Variants in KATNIP observed in about 807,000 individuals in gnomAD.
KATNIP encodes katanin interacting protein.
In KATNIP, 126 loss-of-function variants were observed where a neutral mutation model predicts 174.0. The ratio of observed to expected loss-of-function variants is 0.72; its 90% CI spans 0.63 to 0.84. The LOEUF (loss-of-function observed/expected upper bound fraction) is 0.84. Among genes scored for constraint, KATNIP ranks in the 40% least tolerant of loss-of-function variants. KATNIP has a pLI of 0.00. For missense variants in KATNIP, 1,958 were observed against 2,109.7 expected (o/e 0.93, Z 1.41); for synonymous variants, 810 against 835.7 (o/e 0.97, Z 0.53).
intron 14 of KATNIP, among the ~76,000 whole-genome samples, chr16:27,732,740 TAC>T (rs760188156): frequency 9.8e-5 from 15 of 152,312 alleles, no homozygotes; most frequent in South Asian, 2.1e-4. Context: ...TCGATAGACC[TAC>T]AGTTAGGATA....
In KATNIP at chr16:27,648,762, G is replaced by A. The variant is rs761193292; in HGVS notation, c.540+27G>A. On this transcript the variant is annotated intron_variant, in intron 6 of 27. Coordinates refer to ENST00000261588, the MANE Select transcript of KATNIP (RefSeq NM_015202.5). ...TAGGGATGGCCTTGGCCTTGTGCTC[G>A]GGACACCTGAAGGACGGCGAGGCTC... 9 of 1,607,688 alleles carry A rather than the reference G, an allele frequency of 5.6e-6. No homozygotes were observed. The Admixed American group carries it at 6.8e-5, about 12-fold the overall frequency.
At position 27,691,098 on chromosome 16, in the gene KATNIP, T is replaced by G. The variant is rs1293246458; in HGVS notation, c.941-7230T>G. Among the ~76,000 whole-genome samples the G allele has an allele frequency of 2.6e-5, 4 of 152,182 alleles. No individual in the cohort carries two copies. The East Asian group carries it at 7.7e-4, about 29-fold the overall frequency. ...TTAAATTTCATATTCGCCATTTCGGTGGCTTCCCAGGTGACCTCCAAGGCC... is the reference window on the plus strand; with the variant it reads ...TTAAATTTCATATTCGCCATTTCGGGGGCTTCCCAGGTGACCTCCAAGGCC... On this transcript the variant is annotated intron_variant, in intron 8 of 27. Coordinates refer to ENST00000261588, the MANE Select transcript of KATNIP (RefSeq NM_015202.5).
intron 13 of KATNIP, among the ~76,000 whole-genome samples, chr16:27,709,584 A>G (rs1419823099): frequency 6.6e-6 from 1 of 152,208 alleles, no homozygotes; most frequent in African/African-American, 2.4e-5. Context: ...GATTGCAGTA[A>G]GCCAAGATTG....
chr16:27,566,004 G>A (rs1160456826), intron 1 of KATNIP, among the ~76,000 whole-genome samples: 2 of 149,452 alleles, frequency 1.3e-5, no homozygotes, highest in Non-Finnish European at 3.0e-5. Context: ...CCACCTTTCT[G>A]TATGGAAACC....
At chr16:27,577,616 C>T (rs1234065602) in intron 2 of KATNIP, among the ~76,000 whole-genome samples, 2 of 152,144 alleles carry the variant, frequency 1.3e-5, no homozygotes, top group Non-Finnish European at 2.9e-5. Context: ...CACTTGAACT[C>T]AGAAAGCGGA....
intron 2 of KATNIP, among the ~76,000 whole-genome samples, chr16:27,584,521 TG>T (rs1425924231): frequency 1.3e-5 from 2 of 152,090 alleles, no homozygotes; most frequent in Admixed American, 1.3e-4. Context: ...AAGCCGTGCA[TG>T]GGGGCTCACG....
intron 2 of KATNIP, among the ~76,000 whole-genome samples, chr16:27,598,580 C>T (rs1419911899): frequency 6.6e-6 from 1 of 152,104 alleles, no homozygotes; most frequent in African/African-American, 2.4e-5. Flanking sequence ...TTTGGGGATT[C>T]GGGTCTGGCC....
Position 27,751,881 on chromosome 16 carries a change from A to G in KATNIP, c.3509A>G (p.Asp1170Gly). Residue 1170 changes from aspartate (D) to glycine (G), a missense_variant, in exon 17 of 28, where the codon GAT (aspartate) becomes GGT (glycine). Physicochemically the swap from Asp to Gly is moderately conservative, Grantham distance 94. Around this residue, in one of 3 missense-constraint regions of KATNIP, gnomAD observed 1,557 missense variants for 1,617.8 expected, o/e 0.96. Coordinates refer to ENST00000261588, the MANE Select transcript of KATNIP (RefSeq NM_015202.5). ...CCCAGCACGGCCGACGGCGAGGGGG[A>G]TGAGCGGCCCTTCACCCAGGCTGGC... ...RRPSTADGEG[D>G]ERPFTQAGLG... 6.2e-7 allele frequency: 1 copy of G among 1,613,062 alleles called. No homozygotes were observed. The highest frequency in any genetic ancestry group is 8.5e-7 in the Non-Finnish European group (1 of 1,179,928).
At chr16:27,588,788 C>T (rs577189056) in intron 2 of KATNIP, among the ~76,000 whole-genome samples, 17 of 151,594 alleles carry the variant, frequency 1.1e-4, no homozygotes, top group Non-Finnish European at 2.4e-4. Context: ...TCAAATTTAC[C>T]CTCAATCTCA....
At chr16:27,666,403 T>C (rs1567275293) in intron 6 of KATNIP, among the ~76,000 whole-genome samples, 1 of 150,234 alleles carries the variant, frequency 6.7e-6, no homozygotes, top group Non-Finnish European at 1.5e-5. Flanking sequence ...TTTTGTTTTG[T>C]TTTGTTTTGT....
At position 27,752,250 on chromosome 16, in the gene KATNIP, T is replaced by C. The variant is rs145880855; in HGVS notation, c.3552+326T>C. Among the ~76,000 whole-genome samples the C allele has an allele frequency of 7.5e-3, 1,136 of 152,318 alleles. 50 individuals carry two copies. The highest frequency in any genetic ancestry group is 0.065 in the Admixed American group (991 of 15,294). ...TTTGCTTGGGGTTGCGTTTTGATCA[T>C]TCACTGTTGTTTTTGATGGAAGGAC... is the stretch of plus-strand genomic sequence containing the variant. On this transcript the variant is annotated intron_variant, in intron 17 of 27. Transcript: ENST00000261588.
chr16:27,639,655 T>C (rs945503606), intron 5 of KATNIP, among the ~76,000 whole-genome samples: 2 of 152,234 alleles, frequency 1.3e-5, no homozygotes, highest in African/African-American at 4.8e-5. Flanking sequence ...CTGTGTCCTG[T>C]TGTGGCCTGT....
intron 15 of KATNIP, among the ~76,000 whole-genome samples, chr16:27,741,184 A>G (rs1337115287): frequency 6.6e-6 from 1 of 152,246 alleles, no homozygotes; most frequent in Non-Finnish European, 1.5e-5. Flanking sequence ...TTCTTGCAAC[A>G]CATGGCTTTT....
chr16:27,739,524 GTCT>G (rs916177669), intron 14 of KATNIP, among the ~76,000 whole-genome samples: 1 of 152,080 alleles, frequency 6.6e-6, no homozygotes, highest in African/African-American at 2.4e-5. Flanking sequence ...TGCTTTTACG[GTCT>G]CCCAATTATG....
In KATNIP at chr16:27,778,952, A is replaced by G; in HGVS notation, c.*323A>G. On this transcript the variant is annotated 3_prime_UTR_variant, in exon 28 of 28. Transcript: ENST00000261588. ...GGGCCTGGGCTGACCCTGACTCAGA[A>G]CAGGACAATGACGGGGTGGGGAGGC... 1 of 295,612 alleles carries G rather than the reference A, an allele frequency of 3.4e-6. No individual in the cohort carries two copies. Among genetic ancestry groups the G allele is most frequent in the Non-Finnish European group, 6.2e-6 (1 of 160,950 alleles). 18.3% of individuals were successfully genotyped at this position (295,612 alleles called of 1,614,324 possible).
At chr16:27,770,301 T>C (rs947692097) in intron 21 of KATNIP, among the ~76,000 whole-genome samples, 1 of 152,212 alleles carries the variant, frequency 6.6e-6, no homozygotes, top group African/African-American at 2.4e-5. Flanking sequence ...CCTGCCTCCA[T>C]TCCAGAAATG....
chr16:27,608,315 C>T (rs928797984), intron 2 of KATNIP, among the ~76,000 whole-genome samples: 3 of 148,736 alleles, frequency 2.0e-5, no homozygotes, highest in Non-Finnish European at 3.0e-5. Context: ...ACTGCAGCCT[C>T]GACCTCCTGG....
intron 2 of KATNIP, among the ~76,000 whole-genome samples, chr16:27,576,330 C>T (rs2090494964): frequency 6.6e-6 from 1 of 152,116 alleles, no homozygotes; most frequent in Admixed American, 6.6e-5. Flanking sequence ...AGCTGTTTAT[C>T]ACAATACCCA....
intron 5 of KATNIP, among the ~76,000 whole-genome samples, chr16:27,646,316 C>T (rs1251133079): frequency 6.6e-6 from 1 of 152,184 alleles, no homozygotes; most frequent in African/African-American, 2.4e-5. Context: ...TCTAGCTTCA[C>T]ATCCCTCAAG....
Sources: allele counts gnomAD v4.1 joint callset (sites outside exome capture counted in the v4.1 genomes callset), GRCh38; gene constraint gnomAD v4.1.1; regional missense constraint gnomAD v4.1.1; transcripts MANE v1.5; gene names NCBI Gene and HGNC (gene_info 2026-07-23, HGNC 2026-07-21).